Variants in UGT1A6 observed in about 807,000 individuals in gnomAD.
The protein encoded by UGT1A6 is UDP-glucuronosyltransferase 1A6.
UGT1A6 carries 32 observed loss-of-function variants against 44.4 expected under a neutral mutation model. The observed-to-expected ratio is 0.72, with a 90% CI of 0.54 to 0.97. The LOEUF is 0.97. UGT1A6 is among the 50% of genes least tolerant of loss of function. The pLI is 0.00. For synonymous variants in UGT1A6, 238 were observed against 248.5 expected, an observed-to-expected ratio of 0.96 and a Z score of 0.40; for missense variants, 685 against 661.9, an observed-to-expected ratio of 1.03 and a Z score of -0.38.
chr2:233,693,681 T>C lies in UGT1A6; in HGVS notation c.677T>C (p.Phe226Ser). 1.2e-6 allele frequency: 2 copies of C among 1,614,218 alleles called. No homozygotes were observed. The highest frequency in any genetic ancestry group is 2.7e-5 in the African/African-American group (2 of 75,048). Residue 226 changes from phenylalanine to serine, a missense_variant, in exon 1 of 5, where the codon TTT becomes TCT. Coordinates refer to ENST00000305139, the MANE Select transcript of UGT1A6 (RefSeq NM_001072.4). ...GAGCCCTATCTATTTTATTGTCTGTTTTCAAAGTATGAAGAACTCGCATCA... is the reference window on the plus strand; with the variant it reads ...GAGCCCTATCTATTTTATTGTCTGTCTTCAAAGTATGAAGAACTCGCATCA... ...LLEPYLFYCL[F>S]SKYEELASAV...
rs1236460241 is a variant in UGT1A6 at position 233,729,022 on chromosome 2, G to T, written c.861+35157G>T. ...AGGGCACTCTGTCTTCCAATTACAC[G>T]TTGATTTGCTAAGTGGCTCAGTGAC... On this transcript the variant is annotated intron_variant, in intron 1 of 4. Transcript: ENST00000305139. The T allele has an allele frequency of 3.8e-6, 6 of 1,594,546 alleles. No individual in the cohort carries two copies. The East Asian group carries it at 1.1e-4, about 30-fold the overall frequency.
chr2:233,747,202 T>A (rs1693588071), intron 1 of UGT1A6: 1 of 1,604,794 alleles, frequency 6.2e-7, no homozygotes, highest in South Asian at 1.1e-5. Flanking sequence ...GCTGTCCGTG[T>A]CTTCTGCTGA....
intron 1 of UGT1A6, chr2:233,713,512 G>A (rs1272104419): frequency 4.3e-6 from 7 of 1,613,772 alleles, no homozygotes; most frequent in Non-Finnish European, 5.9e-6. Flanking sequence ...TTTTTCTTGA[G>A]GAACATTCCA....
At chr2:233,701,761 A>G (rs1268136648) in intron 1 of UGT1A6, among the ~76,000 whole-genome samples, 1 of 152,234 alleles carries the variant, frequency 6.6e-6, no homozygotes, top group African/African-American at 2.4e-5. Context: ...ACATAACGAA[A>G]TGAAGGCAGA....
chr2:233,761,975 T>C (rs1697919951), intron 1 of UGT1A6, among the ~76,000 whole-genome samples: 1 of 152,208 alleles, frequency 6.6e-6, no homozygotes, highest in South Asian at 2.1e-4. Flanking sequence ...TGATATCACC[T>C]TCGGAGGTGA....
chr2:233,758,139 G>T (rs553073565), intron 1 of UGT1A6, among the ~76,000 whole-genome samples: 1 of 152,336 alleles, frequency 6.6e-6, no homozygotes, highest in East Asian at 1.9e-4. Flanking sequence ...TGGCAGATGA[G>T]GGAATTAGCA....
At chr2:233,729,541 A>G (rs750509875) in intron 1 of UGT1A6, 1 of 1,614,224 alleles carries the variant, frequency 6.2e-7, no homozygotes, top group South Asian at 1.1e-5. Context: ...GGCCCTGATC[A>G]GGCACCTGAA....
rs200461003 is a variant in UGT1A6, at chr2:233,713,543, C to A, written c.861+19678C>A. ...TTCCATGTGATTTAGACTTTAAGGGCACACAGTGTCCAAACCCTTCCTCCT... is the reference window on the plus strand; with the variant it reads ...TTCCATGTGATTTAGACTTTAAGGGAACACAGTGTCCAAACCCTTCCTCCT... On this transcript the variant is annotated intron_variant, in intron 1 of 4. Coordinates refer to ENST00000305139, the MANE Select transcript of UGT1A6 (RefSeq NM_001072.4). 2.1e-4 allele frequency: 343 copies of A among 1,613,956 alleles called. 1 individual carries two copies. The highest frequency in any genetic ancestry group is 4.2e-6 in the Non-Finnish European group (5 of 1,179,872).
At chr2:233,713,112 TG>T (rs2076279205) in intron 1 of UGT1A6, 13 of 1,614,212 alleles carry the variant, frequency 8.1e-6, no homozygotes, top group Non-Finnish European at 1.1e-5. Context: ...TGGCAGCCAC[TG>T]GCTCAGCATG....
intron 1 of UGT1A6, chr2:233,721,831 C>G: frequency 3.9e-6 from 2 of 514,410 alleles, no homozygotes. Flanking sequence ...TTTGGGCCAC[C>G]GACCTTGTGT....
intron 1 of UGT1A6, among the ~76,000 whole-genome samples, chr2:233,751,808 C>G (rs1373463775): frequency 6.6e-6 from 1 of 152,150 alleles, no homozygotes; most frequent in Non-Finnish European, 1.5e-5. Flanking sequence ...TTGTAAGTTT[C>G]CTGAGGCCTC....
intron 1 of UGT1A6, among the ~76,000 whole-genome samples, chr2:233,705,974 G>A (rs7564360): frequency 0.94 from 142,961 of 152,236 alleles, 67,221 homozygotes; most frequent in East Asian, 1. Context: ...CTGTGGTTCC[G>A]GCTACTCAGG....
intron 1 of UGT1A6, chr2:233,729,500 A>G (rs761749165): frequency 6.2e-7 from 1 of 1,614,228 alleles, no homozygotes; most frequent in African/African-American, 1.3e-5. Flanking sequence ...TTGGTCTATC[A>G]TAGGTCTTGT....
At chr2:233,704,879 A>G (rs1317470741) in intron 1 of UGT1A6, among the ~76,000 whole-genome samples, 2 of 152,172 alleles carry the variant, frequency 1.3e-5, no homozygotes, top group African/African-American at 4.8e-5. Context: ...CACTCCTGTA[A>G]TCCCAGCACT....
intron 1 of UGT1A6, among the ~76,000 whole-genome samples, chr2:233,748,751 T>C (rs1228762220): frequency 1.3e-5 from 2 of 151,458 alleles, no homozygotes; most frequent in Admixed American, 6.6e-5. Flanking sequence ...TCGGAAGGCA[T>C]AGTTTTGGTT....
At chr2:233,756,685 A>C (rs948825401) in intron 1 of UGT1A6, among the ~76,000 whole-genome samples, 1 of 152,128 alleles carries the variant, frequency 6.6e-6, no homozygotes, top group Non-Finnish European at 1.5e-5. Flanking sequence ...ACTGCTATAT[A>C]ATGACGATGA....
In UGT1A6 at chr2:233,701,509, A is replaced by G. The variant is rs371622250; in HGVS notation, c.861+7644A>G. The stretch of plus-strand genomic sequence containing the variant: ...CCAAGCGGACCTAATAGACATCTAC[A>G]GAACTCTCCACCCCAAATCAACAGA... On this transcript the variant is annotated intron_variant, in intron 1 of 4. Transcript: ENST00000305139. 2.7e-3 allele frequency among the ~76,000 whole-genome samples: 411 copies of G among 152,304 alleles called. 2 individuals are homozygous for G. The highest frequency in any genetic ancestry group is 0.027 in the South Asian group (129 of 4,822).
At chr2:233,742,213 CAGGGCTGAG>C (rs1691910007) in intron 1 of UGT1A6, among the ~76,000 whole-genome samples, 1 of 151,938 alleles carries the variant, frequency 6.6e-6, no homozygotes, top group Non-Finnish European at 1.5e-5. Context: ...TCACAGCCTT[CAGGGCTGAG>C]AGCCCCAAAC....
chr2:233,701,392 G>A (rs2075625527), intron 1 of UGT1A6, among the ~76,000 whole-genome samples: 1 of 151,982 alleles, frequency 6.6e-6, no homozygotes, highest in South Asian at 2.1e-4. Flanking sequence ...CACAATAATA[G>A]TGGGAGACTT....
Sources: gnomAD v4.1 joint callset for allele counts (sites outside exome capture counted in the v4.1 genomes callset) on GRCh38, gnomAD v4.1.1 for gene constraint, MANE v1.5 for transcripts, NCBI Gene and HGNC (gene_info 2026-07-23, HGNC 2026-07-21) for gene names.